The following CACNA2D3 variants were observed in gnomAD, a reference collection of about 807,000 sequenced individuals.
The protein encoded by CACNA2D3 is calcium voltage-gated channel auxiliary subunit alpha2delta 3, also known as voltage-dependent calcium channel subunit alpha-2/delta-3.
A neutral mutation model predicts 160.6 loss-of-function variants in CACNA2D3; 60 were observed. The observed-to-expected ratio is 0.37, with a 90% CI of 0.30 to 0.46. CACNA2D3 has a LOEUF of 0.46. Ranked by LOEUF, CACNA2D3 falls within the 20% of genes least tolerant of loss-of-function variation. The pLI, the probability that CACNA2D3 is intolerant of heterozygous loss-of-function variation, is 1.00. For synonymous variants in CACNA2D3, 558 were observed against 492.9 expected (o/e 1.13, Z -1.75); for missense variants, 1,205 against 1,365.0 (o/e 0.88, Z 1.85).
chr3:54,874,576 C>T (rs892364861), intron 18 of CACNA2D3: 1 of 152,224 alleles, frequency 6.6e-6, no homozygotes, highest in Middle Eastern at 3.2e-3. Flanking sequence ...TATATTAGCT[C>T]TTCCTGTACA....
chr3:55,021,715 G>GTGTGTGTATA (rs1553632885), intron 35 of CACNA2D3, among the ~76,000 whole-genome samples: 11 of 141,414 alleles, frequency 7.8e-5, no homozygotes, highest in African/African-American at 2.9e-4. Context: ...ATATGTGTGT[G>GTGTGTGTATA]TATATATATA....
chr3:54,445,916 TC>T (rs1210834606), intron 4 of CACNA2D3, among the ~76,000 whole-genome samples: 1 of 152,160 alleles, frequency 6.6e-6, no homozygotes, highest in Non-Finnish European at 1.5e-5. Context: ...ACTGCTTTGT[TC>T]CTGTGGTCTC....
rs61652736 is a variant in CACNA2D3, at chr3:54,822,730, T to TTTTCTTTC, written c.1398+5913_1398+5920dup. 7.9e-3 allele frequency among the ~76,000 whole-genome samples: 828 copies of TTTTCTTTC among 104,744 alleles called. 42 individuals carry two copies. The highest frequency in any genetic ancestry group is 0.01 in the Non-Finnish European group (498 of 48,088). The allele number at this position is 104,744 out of a possible 152,430, so 68.7% of individuals were successfully genotyped here. On this transcript the variant is annotated intron_variant, in intron 14 of 37. Coordinates refer to ENST00000474759, the MANE Select transcript of CACNA2D3 (RefSeq NM_018398.3). ...AGATGCTATTTGCATTTCTTTTTTA[T>TTTTCTTTC]TTTCTTTCTTTCTTTCTTTCTTTCT... is the stretch of plus-strand genomic sequence containing the variant.
At chr3:54,770,074 C>T (rs1372812578) in intron 13 of CACNA2D3, among the ~76,000 whole-genome samples, 1 of 152,162 alleles carries the variant, frequency 6.6e-6, no homozygotes, top group Admixed American at 6.5e-5. Context: ...TGCCCATTTG[C>T]CCCGAAAATA....
chr3:54,459,594 C>T (rs2106837608), intron 4 of CACNA2D3, among the ~76,000 whole-genome samples: 1 of 152,204 alleles, frequency 6.6e-6, no homozygotes, highest in African/African-American at 2.4e-5. Context: ...CTGTTCATAT[C>T]CTTCGCCCAC....
intron 11 of CACNA2D3, among the ~76,000 whole-genome samples, chr3:54,705,837 T>A (rs1215436918): frequency 1.3e-5 from 2 of 152,222 alleles, no homozygotes; most frequent in Admixed American, 6.5e-5. Flanking sequence ...AAGCCTATTG[T>A]CTTGTTCATA....
chr3:54,686,734 G>A (rs1196495027), intron 11 of CACNA2D3, among the ~76,000 whole-genome samples: 1 of 152,116 alleles, frequency 6.6e-6, no homozygotes, highest in Non-Finnish European at 1.5e-5. Flanking sequence ...TCTCCTTTTA[G>A]TGATGTCATA....
intron 9 of CACNA2D3, among the ~76,000 whole-genome samples, chr3:54,597,481 A>G (rs959135944): frequency 2.6e-5 from 4 of 152,088 alleles, no homozygotes; most frequent in Non-Finnish European, 4.4e-5. Flanking sequence ...TCTCTGCTGC[A>G]TCTATTAAAA....
At chr3:54,211,629 C>T (rs183150680) in intron 2 of CACNA2D3, among the ~76,000 whole-genome samples, 2 of 152,190 alleles carry the variant, frequency 1.3e-5, no homozygotes, top group African/African-American at 4.8e-5. Context: ...TAATTAGACT[C>T]ATATTTTTTG....
chr3:54,133,817 G>A (rs1699764569), intron 2 of CACNA2D3, among the ~76,000 whole-genome samples: 1 of 152,176 alleles, frequency 6.6e-6, no homozygotes, highest in Non-Finnish European at 1.5e-5. Flanking sequence ...TAAGGTAATG[G>A]ATGATGGTGT....
chr3:54,358,411 G>A (rs61230886), intron 3 of CACNA2D3, among the ~76,000 whole-genome samples: 3,085 of 152,302 alleles, frequency 0.02, 99 homozygotes, highest in African/African-American at 0.071. Flanking sequence ...AGGAGGTCCG[G>A]TTGTGACATT....
chr3:54,997,845 GAGTTTACATCC>G (rs1702893371), intron 31 of CACNA2D3, among the ~76,000 whole-genome samples: 1 of 152,202 alleles, frequency 6.6e-6, no homozygotes, highest in East Asian at 1.9e-4. Context: ...AATTGAGAGT[GAGTTTACATCC>G]AATTTTCCAG....
At chr3:54,927,806 A>G in intron 27 of CACNA2D3, 1 of 1,288,268 alleles carries the variant, frequency 7.8e-7, no homozygotes, top group Non-Finnish European at 1.1e-6. Context: ...CTTTTAAGAC[A>G]GACGACTTGA....
At chr3:54,886,054 C>A (rs143673281) in intron 23 of CACNA2D3, among the ~76,000 whole-genome samples, 17 of 152,240 alleles carry the variant, frequency 1.1e-4, no homozygotes, top group Admixed American at 1.0e-3. Context: ...TACCAAGCAT[C>A]CCCTTCTAGG....
intron 5 of CACNA2D3, among the ~76,000 whole-genome samples, chr3:54,526,511 G>T (rs192904329): frequency 2.0e-4 from 31 of 152,188 alleles, no homozygotes; most frequent in African/African-American, 7.0e-4. Context: ...TTAGTGACTG[G>T]CTGGATTATC....
intron 5 of CACNA2D3, among the ~76,000 whole-genome samples, chr3:54,529,649 G>A (rs1001810110): frequency 9.2e-5 from 14 of 152,252 alleles, no homozygotes; most frequent in African/African-American, 3.1e-4. Flanking sequence ...TGGACTGCTC[G>A]GAGGCTGGCC....
intron 35 of CACNA2D3, among the ~76,000 whole-genome samples, chr3:55,033,118 A>G (rs1212411073): frequency 6.6e-6 from 1 of 152,098 alleles, no homozygotes; most frequent in Non-Finnish European, 1.5e-5. Context: ...GGTCCAGAGA[A>G]GGGAGGGGGC....
intron 10 of CACNA2D3, among the ~76,000 whole-genome samples, chr3:54,637,031 G>A (rs1699389637): frequency 6.6e-6 from 1 of 151,952 alleles, no homozygotes; most frequent in Non-Finnish European, 1.5e-5. Flanking sequence ...GAGAGTATAC[G>A]GGTTTGGCAC....
intron 8 of CACNA2D3, among the ~76,000 whole-genome samples, chr3:54,571,842 G>A (rs1228873316): frequency 1.3e-5 from 2 of 152,152 alleles, no homozygotes; most frequent in Non-Finnish European, 2.9e-5. Context: ...TTTAGTCTGG[G>A]CATCAGCTAC....
Sources: allele counts gnomAD v4.1 joint callset (sites outside exome capture counted in the v4.1 genomes callset), GRCh38; gene constraint gnomAD v4.1.1; transcripts MANE v1.5; gene names NCBI Gene and HGNC (gene_info 2026-07-23, HGNC 2026-07-21).